Variants in NEB observed in about 807,000 individuals in gnomAD.
NEB encodes nebulin, also known as nemaline myopathy type 2.
A neutral mutation model predicts 952.2 loss-of-function variants in NEB; 512 were observed. That is an observed-to-expected ratio of 0.54 (90% CI 0.50 to 0.58). NEB has a LOEUF of 0.58. NEB is among the 20% of genes least tolerant of loss of function. NEB has a pLI of 0.00. For synonymous variants in NEB, 2,900 were observed against 3,149.8 expected (o/e 0.92, Z 2.66); for missense variants, 8,428 against 9,231.1 (o/e 0.91, Z 3.56).
At chr2:151,676,444 G>T (rs2099359994) in intron 34 of NEB, among the ~76,000 whole-genome samples, 1 of 152,106 alleles carries the variant, frequency 6.6e-6, no homozygotes, top group Admixed American at 6.6e-5. Context: ...GGCCAGCATT[G>T]TCTTTTAAAA....
At chr2:151,646,290 G>T (rs980750360) in intron 54 of NEB, 56 bp from the exon 55 acceptor site, 1 of 1,292,362 alleles carries the variant, frequency 7.7e-7, no homozygotes, top group Non-Finnish European at 1.1e-6. Flanking sequence ...GAATGATACA[G>T]TTGGCTTCAA....
In NEB at chr2:151,563,675, C is replaced by T. The variant is rs1234623857; in HGVS notation, c.18624G>A (p.Leu6208=). ...ETYEKQKGHY[L]AGKVIGEFPG... ...GGAATTCACCGATCACTTTTCCAGC[C>T]AGGTAGTGACCTTTCTGCTTCTCAT... Residue 6208 remains leucine (L), a synonymous_variant, in exon 119 of 182, where the codon CTG becomes CTA. Coordinates refer to ENST00000397345, the MANE Select transcript of NEB (RefSeq NM_001164508.2). 6.2e-7 allele frequency: 1 copy of T among 1,613,880 alleles called. No individual in the cohort carries two copies. The highest frequency in any genetic ancestry group is 8.5e-7 in the Non-Finnish European group (1 of 1,179,792).
chr2:151,671,295 T>C, intron 37 of NEB, 66 bp from the exon 38 acceptor site: 2 of 1,326,538 alleles, frequency 1.5e-6, no homozygotes, highest in South Asian at 1.3e-5. Flanking sequence ...TTCTGGGATC[T>C]GCAATTCTAT....
At chr2:151,609,755 A>G (rs2097876089) in intron 81 of NEB, 54 bp downstream of exon 81, 1 of 1,510,296 alleles carries the variant, frequency 6.6e-7, no homozygotes, top group East Asian at 2.3e-5. Context: ...TGACTGGGCA[A>G]TGAACAAATC....
Position 151,664,866 on chromosome 2 carries a change from G to A in NEB, c.5239-3C>T, listed in dbSNP as rs772829910. ...TTCCATTTTTCAGTGTAGAGCCTCT[G>A]CAATGAGAAAGTCAGGTGCATGATT... On this transcript the variant is annotated splice_region_variant and splice_polypyrimidine_tract_variant and intron_variant, in intron 42 of 181. Transcript: ENST00000397345. 5.0e-6 allele frequency: 8 copies of A among 1,599,604 alleles called. No homozygotes were observed. The highest frequency in any genetic ancestry group is 1.3e-5 in the African/African-American group (1 of 74,580).
chr2:151,514,886 T>C lies in NEB; in HGVS notation c.22948A>G (p.Asn7650Asp). The C allele has an allele frequency of 6.3e-7, 1 of 1,587,898 alleles. No homozygotes were observed. Among genetic ancestry groups the C allele is most frequent in the Non-Finnish European group, 8.6e-7 (1 of 1,165,552 alleles). ...KDYEESIKGR[N>D]LTGLEVTPAL... ...GGCGTGACCTCCAGGCCAGTCAGGT[T>C]TCTGCCTTTAATGGACTCTTCATAA... Residue 7650 changes from asparagine (N) to aspartate (D), a missense_variant, in exon 158 of 182, where the codon AAC (asparagine) becomes GAC (aspartate). This residue lies in a region of NEB where 3,374 missense variants were observed against 3,651.5 expected (regional missense o/e 0.92). Coordinates refer to ENST00000397345, the MANE Select transcript of NEB (RefSeq NM_001164508.2).
rs747564597 is a variant in NEB at position 151,497,655 on chromosome 2, C to CTCTT, written c.24267_24270dup (p.Val8091LysfsTer10). On this transcript the variant is annotated frameshift_variant, in exon 171 of 182. Coordinates refer to ENST00000397345, the MANE Select transcript of NEB (RefSeq NM_001164508.2). LOFTEE classifies it high-confidence loss of function. ...CTAATATTTTCTTGATTGTGTTTGA[C>CTCTT]TCTTTCCATCTCGGGAGTGACAGGT... 6.3e-7 allele frequency: 1 copy of CTCTT among 1,582,922 alleles called. No homozygotes were observed. The highest frequency in any genetic ancestry group is 1.3e-5 in the African/African-American group (1 of 74,504).
chr2:151,725,492 T>C lies in NEB; in HGVS notation c.363A>G (p.Glu121=), dbSNP rs1577944014. The change falls in exon 6 of 182, where the codon GAA becomes GAG. Residue 121 remains glutamate, a synonymous_variant. Transcript: ENST00000397345. ...QPYASTTDTP[E]LRRIKKVQDQ... ...CTTGTACTTTTTTGATTCTGCGAAG[T>C]TCTGGAGTATCTGTTGTGCTGGCGT... 1.9e-6 allele frequency: 3 copies of C among 1,613,748 alleles called. No homozygotes were observed. The highest frequency in any genetic ancestry group is 2.2e-5 in the East Asian group (1 of 44,866).
chr2:151,504,427 A>T (rs2067174369), intron 165 of NEB, among the ~76,000 whole-genome samples: 1 of 152,240 alleles, frequency 6.6e-6, no homozygotes, highest in Non-Finnish European at 1.5e-5. Flanking sequence ...AAAGTGACAA[A>T]GGAGCCTAGG....
At chr2:151,627,378 A>G in intron 69 of NEB, 145 bp downstream of exon 69, 1 of 1,419,828 alleles carries the variant, frequency 7.0e-7, no homozygotes, top group South Asian at 1.4e-5. Context: ...TCTCCAAAAA[A>G]AGTAAGGGGA....
intron 133 of NEB, 117 bp from the exon 134 acceptor site, chr2:151,546,560 T>A (rs1006846948): frequency 1.1e-4 from 54 of 470,032 alleles, no homozygotes; most frequent in African/African-American, 8.1e-4. Flanking sequence ...TCATCTACTT[T>A]TTTTTTTTTT....
chr2:151,529,944 T>G (rs1014382552), intron 145 of NEB, among the ~76,000 whole-genome samples: 2 of 152,214 alleles, frequency 1.3e-5, no homozygotes, highest in South Asian at 2.1e-4. Context: ...TCTTGATAAC[T>G]GCTGATGGAA....
intron 27 of NEB, among the ~76,000 whole-genome samples, chr2:151,686,280 A>G (rs2099497694): frequency 6.6e-6 from 1 of 152,234 alleles, no homozygotes; most frequent in South Asian, 2.1e-4. Context: ...CTGTGTCTGC[A>G]GCTTAGCATT....
intron 24 of NEB, chr2:151,690,046 A>C (rs1169099274): frequency 1.3e-5 from 2 of 152,432 alleles, no homozygotes; most frequent in African/African-American, 2.4e-5. Flanking sequence ...TCACAGCATC[A>C]GCATCACCTA....
chr2:151,512,678 C>T, intron 161 of NEB, 55 bp downstream of exon 161: 1 of 1,238,850 alleles, frequency 8.1e-7, no homozygotes, highest in Non-Finnish European at 1.2e-6. Flanking sequence ...AATGGAAGGA[C>T]TTCCATTCTT....
At position 151,512,751 on chromosome 2, in the gene NEB, G is replaced by C. The variant is rs930436261; in HGVS notation, c.23328C>G (p.Val7776=). 6.2e-7 allele frequency: 1 copy of C among 1,613,626 alleles called. No homozygotes were observed. The highest frequency in any genetic ancestry group is 1.6e-4 in the Middle Eastern group (1 of 6,062). ...DTPEIIHAQQ[V]KNLSSQKKYK... ...TCCTTACCTGGCTTGAAAGATTCTT[G>C]ACTTGTTGGGCATGAATGATCTCTG... Residue 7776 remains valine (V), a synonymous_variant, in exon 161 of 182, where the codon GTC becomes GTG. Transcript: ENST00000397345.
chr2:151,632,978 G>C (rs1248689221), intron 65 of NEB, among the ~76,000 whole-genome samples: 3 of 152,164 alleles, frequency 2.0e-5, no homozygotes, highest in African/African-American at 7.2e-5. Flanking sequence ...AGTTTTCTCA[G>C]GTAGGCTGTA....
At position 151,514,814 on chromosome 2, in the gene NEB, C is replaced by T; in HGVS notation, c.23016+4G>A. On this transcript the variant is annotated splice_donor_region_variant and intron_variant, in intron 158 of 181. Coordinates refer to ENST00000397345, the MANE Select transcript of NEB (RefSeq NM_001164508.2). The stretch of plus-strand genomic sequence containing the variant: ...AGGGAAAGAAAAGACCAAGTGGGCA[C>T]TACCTCGCTTGCTATTTTAGTTGCA... 2 of 1,554,134 alleles carry T rather than the reference C, an allele frequency of 1.3e-6. No homozygotes were observed. The highest frequency in any genetic ancestry group is 1.7e-6 in the Non-Finnish European group (2 of 1,145,438).
At chr2:151,657,728 T>C (rs1172660551) in intron 48 of NEB, among the ~76,000 whole-genome samples, 1 of 152,196 alleles carries the variant, frequency 6.6e-6, no homozygotes, top group East Asian at 1.9e-4. Flanking sequence ...GCCATAGCCT[T>C]GGTGACAGAT....
Sources: allele counts gnomAD v4.1 joint callset (sites outside exome capture counted in the v4.1 genomes callset), GRCh38; gene constraint gnomAD v4.1.1; regional missense constraint gnomAD v4.1.1; transcripts MANE v1.5; gene names NCBI Gene and HGNC (gene_info 2026-07-23, HGNC 2026-07-21).